The following KMT5B variants were observed in gnomAD, a reference collection of about 807,000 sequenced individuals.
KMT5B encodes histone-lysine N-methyltransferase KMT5B.
In KMT5B, 10 loss-of-function variants were observed where a neutral mutation model predicts 83.2. The observed-to-expected ratio is 0.12, with a 90% confidence interval of 0.07 to 0.20. The LOEUF is 0.20. Among genes scored for constraint, KMT5B ranks in the 10% least tolerant of loss-of-function variants. KMT5B has a pLI of 1.00. For synonymous variants in KMT5B, 349 were observed against 388.8 expected, an observed-to-expected ratio of 0.90 and a Z score of 1.20; for missense variants, 753 against 1,067.2, an observed-to-expected ratio of 0.71 and a Z score of 4.10.
chr11:68,158,866 T>C lies in KMT5B; in HGVS notation c.1480A>G (p.Lys494Glu), dbSNP rs1488628172. 2 of 1,614,060 alleles carry C rather than the reference T, an allele frequency of 1.2e-6. No individual in the cohort carries two copies. The highest frequency in any genetic ancestry group is 2.7e-5 in the African/African-American group (2 of 74,926). The change falls in exon 11 of 11, where the codon AAG becomes GAG. Residue 494 changes from lysine (K) to glutamate (E), a missense_variant. Lys to Glu is a moderately conservative substitution (Grantham distance 56, BLOSUM62 1). Coordinates refer to ENST00000304363, the MANE Select transcript of KMT5B (RefSeq NM_017635.5). ...LYKNLPIKKD[K>E]EPEGPAQAAV... ...GCTTGGGCTGGTCCCTCTGGCTCCTTATCTTTTTTAATGGGCAAATTTTTA... is the reference window on the plus strand; with the variant it reads ...GCTTGGGCTGGTCCCTCTGGCTCCTCATCTTTTTTAATGGGCAAATTTTTA...
Position 68,158,368 on chromosome 11 carries a change from C to T in KMT5B, c.1978G>A (p.Gly660Ser). The stretch of plus-strand genomic sequence containing the variant: ...CAGTCTGTGTAGCTCACAGGCACGC[C>T]CACAGTGCCACTGTGCTCACCCTGG... ...SDQGEHSGTV[G>S]VPVSYTDCAP... Residue 660 changes from glycine (G) to serine (S), a missense_variant, in exon 11 of 11, where the codon GGC (glycine) becomes AGC (serine). Gly to Ser is a moderately conservative substitution (Grantham distance 56, BLOSUM62 0). Transcript: ENST00000304363. 1 of 1,614,118 alleles carries T rather than the reference C, an allele frequency of 6.2e-7. No individual in the cohort carries two copies. The highest frequency in any genetic ancestry group is 2.2e-5 in the East Asian group (1 of 44,888).
At chr11:68,210,616 A>AT (rs1224455207) in intron 1 of KMT5B, among the ~76,000 whole-genome samples, 4 of 152,194 alleles carry the variant, frequency 2.6e-5, no homozygotes, top group African/African-American at 7.2e-5. Flanking sequence ...AGCAGTCATC[A>AT]TTTGACATAC....
At chr11:68,166,032 GGCTCTAAGGT>G (rs1855290611) in intron 10 of KMT5B, 2 of 1,598,684 alleles carry the variant, frequency 1.3e-6, no homozygotes, top group African/African-American at 1.3e-5. Flanking sequence ...TATCTCAGAG[GGCTCTAAGGT>G]GCCAAGAAGT....
rs1443199306 is a variant in KMT5B at position 68,173,799 on chromosome 11, G to A, written c.653+5C>T. 1.3e-6 allele frequency: 2 copies of A among 1,528,810 alleles called. No homozygotes were observed. Among genetic ancestry groups the A allele is most frequent in the Non-Finnish European group, 9.0e-7 (1 of 1,110,508 alleles). The allele number at this position is 1,528,810 out of a possible 1,614,324, so 94.7% of individuals were successfully genotyped here. ...ATTAAAGGCTTATACTAGTAGAATA[G>A]TTACCACTCTTTTGTTGCAACTATT... On this transcript the variant is annotated splice_donor_5th_base_variant and intron_variant, in intron 6 of 10. Transcript: ENST00000304363.
At chr11:68,188,374 A>AT (rs1344929666) in intron 2 of KMT5B, among the ~76,000 whole-genome samples, 7 of 128,706 alleles carry the variant, frequency 5.4e-5, no homozygotes, top group East Asian at 2.4e-4. Context: ...CAAGAGTCTC[A>AT]TTTTTTTTTG....
intron 10 of KMT5B, chr11:68,165,614 G>C: frequency 1.5e-6 from 1 of 665,966 alleles, no homozygotes; most frequent in Non-Finnish European, 2.1e-6. Flanking sequence ...TGGGGCTACA[G>C]GTGTGCCACC....
chr11:68,191,195 G>GTGTGTGTGTA (rs897436620), intron 1 of KMT5B, among the ~76,000 whole-genome samples: 3 of 151,582 alleles, frequency 2.0e-5, no homozygotes, highest in African/African-American at 7.3e-5. Context: ...GTGTGTGTGT[G>GTGTGTGTGTA]TGTGTGTGTG....
intron 4 of KMT5B, among the ~76,000 whole-genome samples, chr11:68,178,981 G>A (rs897081771): frequency 3.9e-5 from 6 of 152,326 alleles, no homozygotes; most frequent in African/African-American, 1.2e-4. Context: ...CAACAAGGCT[G>A]AGTAGATTGC....
chr11:68,181,076 T>TCTC (rs765339925), intron 3 of KMT5B, among the ~76,000 whole-genome samples: 63 of 141,960 alleles, frequency 4.4e-4, no homozygotes, highest in South Asian at 8.9e-4. Flanking sequence ...TTCTTTTTTC[T>TCTC]TTTTTTTTTT....
At chr11:68,200,978 T>A (rs1471895392) in intron 1 of KMT5B, among the ~76,000 whole-genome samples, 1 of 152,160 alleles carries the variant, frequency 6.6e-6, no homozygotes, top group African/African-American at 2.4e-5. Flanking sequence ...AAGAAGCACT[T>A]ACTACAGATT....
Position 68,167,176 on chromosome 11 carries a change from C to A in KMT5B, c.980G>T (p.Arg327Leu). ...TCTGGATTTAAAAGCACCAGTGCCCCGTCTGAAAGAGAAAATAGCACAGGT... is the reference window on the plus strand; with the variant it reads ...TCTGGATTTAAAAGCACCAGTGCCCAGTCTGAAAGAGAAAATAGCACAGGT... ...EFCECYTCER[R>L]GTGAFKSRVG... Residue 327 changes from arginine (R) to leucine (L), a missense_variant and splice_region_variant, in exon 10 of 11, where the codon CGG (arginine) becomes CTG (leucine). Arg to Leu is a moderately radical substitution (Grantham distance 102). Coordinates refer to ENST00000304363, the MANE Select transcript of KMT5B (RefSeq NM_017635.5). 1 of 1,606,394 alleles carries A rather than the reference C, an allele frequency of 6.2e-7. No homozygotes were observed.
chr11:68,163,597 T>C (rs1855043668), intron 10 of KMT5B, among the ~76,000 whole-genome samples: 1 of 152,190 alleles, frequency 6.6e-6, no homozygotes, highest in Non-Finnish European at 1.5e-5. Flanking sequence ...GCACTGGAAA[T>C]GCACAATCAG....
intron 1 of KMT5B, among the ~76,000 whole-genome samples, chr11:68,195,635 A>G (rs1242454265): frequency 1.3e-5 from 2 of 152,214 alleles, no homozygotes; most frequent in Non-Finnish European, 2.9e-5. Context: ...AATTCTAAGG[A>G]GCAAGACTGT....
chr11:68,197,003 G>A (rs752543474), intron 1 of KMT5B, among the ~76,000 whole-genome samples: 11 of 150,542 alleles, frequency 7.3e-5, no homozygotes, highest in Non-Finnish European at 1.6e-4. Flanking sequence ...ACGGAGTCTC[G>A]CACTGTCCCC....
intron 9 of KMT5B, among the ~76,000 whole-genome samples, chr11:68,170,068 A>T (rs1468205488): frequency 1.3e-5 from 2 of 152,152 alleles, no homozygotes; most frequent in African/African-American, 2.4e-5. Flanking sequence ...GAAAGGAGGG[A>T]AATGGCAACT....
intron 1 of KMT5B, among the ~76,000 whole-genome samples, chr11:68,204,290 T>C (rs569983537): frequency 1.3e-5 from 2 of 152,352 alleles, no homozygotes; most frequent in Admixed American, 6.5e-5. Flanking sequence ...CTGTGAATGC[T>C]ACCTTATAAG....
chr11:68,164,819 T>C (rs193072376), intron 10 of KMT5B: 1 of 444,688 alleles, frequency 2.2e-6, no homozygotes, highest in Admixed American at 2.4e-5. Context: ...GTGCCTCCAG[T>C]TTGTTCTGCT....
chr11:68,199,155 A>G (rs2153081850), intron 1 of KMT5B, among the ~76,000 whole-genome samples: 1 of 152,334 alleles, frequency 6.6e-6, no homozygotes, highest in South Asian at 2.1e-4. Flanking sequence ...AAAATTAGAC[A>G]TCCACTATAT....
chr11:68,158,447 G>A lies in KMT5B; in HGVS notation c.1899C>T (p.His633=), dbSNP rs745667169. The A allele has an allele frequency of 3.8e-5, 61 of 1,613,922 alleles. No individual in the cohort carries two copies. The highest frequency in any genetic ancestry group is 1.2e-4 in the African/African-American group (9 of 74,904). The part of the protein sequence containing the change: ...FAKIEESTPV[H]DSPGKDDAVP... The stretch of plus-strand genomic sequence containing the variant: ...CCGCGTCGTCTTTTCCAGGAGAATC[G>A]TGCACTGGAGTAGATTCCTCTATTT... The change falls in exon 11 of 11, where the codon CAC becomes CAT. Residue 633 remains histidine, a synonymous_variant. Coordinates refer to ENST00000304363, the MANE Select transcript of KMT5B (RefSeq NM_017635.5).
Sources: gnomAD v4.1 joint callset for allele counts (sites outside exome capture counted in the v4.1 genomes callset) on GRCh38, gnomAD v4.1.1 for gene constraint, MANE v1.5 for transcripts, NCBI Gene and HGNC (gene_info 2026-07-23, HGNC 2026-07-21) for gene names.